TRIM25: variants seen among roughly 807,000 people sequenced by gnomAD.
The protein encoded by TRIM25 is E3 ubiquitin/ISG15 ligase TRIM25.
A neutral mutation model predicts 65.2 loss-of-function variants in TRIM25; 45 were observed. That is an observed-to-expected ratio of 0.69 (90% CI 0.54 to 0.89). The LOEUF is 0.89. Among genes scored for constraint, TRIM25 ranks in the 40% least tolerant of loss-of-function variants. The pLI is 0.00. For missense variants in TRIM25, 714 were observed against 803.7 expected (o/e 0.89, Z 1.35); for synonymous variants, 321 against 340.4 (o/e 0.94, Z 0.63).
Position 56,888,658 on chromosome 17 carries a change from A to G in TRIM25, c.*3042T>C, listed in dbSNP as rs977574505. ...TCTCCTGCTTTCCCCTAGCCCCCAC[A>G]GTTAGACTGTCCCGCAGCAAAGCCC... On this transcript the variant is annotated 3_prime_UTR_variant, in exon 9 of 9. Transcript: ENST00000316881. The G allele has an allele frequency of 2.6e-5, 4 of 152,202 alleles. No homozygotes were observed. Among genetic ancestry groups the G allele is most frequent in the African/African-American group, 9.7e-5 (4 of 41,434 alleles). 9.4% of individuals were successfully genotyped at this position (152,202 alleles called of 1,614,324 possible).
Position 56,913,943 on chromosome 17 carries a change from A to T in TRIM25, c.46T>A (p.Cys16Ser). The T allele has an allele frequency of 6.3e-7, 1 of 1,588,782 alleles. No homozygotes were observed. The highest frequency in any genetic ancestry group is 8.6e-7 in the Non-Finnish European group (1 of 1,168,116). ...ACCGGCTCCTTGAAGGGCTCCAGGCAGATGGAGCACGACAGCTCCTCGGCC... is the reference window on the plus strand; with the variant it reads ...ACCGGCTCCTTGAAGGGCTCCAGGCTGATGGAGCACGACAGCTCCTCGGCC... The part of the protein sequence containing the change: ...PLAEELSCSI[C>S]LEPFKEPVTT... Residue 16 changes from cysteine (C) to serine (S), a missense_variant, in exon 1 of 9, where the codon TGC (cysteine) becomes AGC (serine). By Grantham distance (112) the Cys-to-Ser change is moderately radical. This residue lies in a region of TRIM25 where 291 missense variants were observed against 281.8 expected (regional missense o/e 1.03). Transcript: ENST00000316881. This position sits in a 1 kb window ranked among gnomAD's most constrained non-coding sequence, Gnocchi z 6.1.
intron 8 of TRIM25, 121 bp from the exon 9 acceptor site, chr17:56,892,350 G>T (rs920297681): frequency 1.8e-6 from 2 of 1,096,694 alleles, no homozygotes; most frequent in African/African-American, 1.6e-5. Flanking sequence ...TCTACCCATT[G>T]GTCCATCCAT....
intron 2 of TRIM25, 151 bp downstream of exon 2, chr17:56,908,317 C>A (rs928069217): frequency 6.8e-6 from 5 of 740,658 alleles, no homozygotes; most frequent in Non-Finnish European, 1.1e-5. Context: ...AGACACACAG[C>A]TGTCTGCATG....
intron 4 of TRIM25, 30 bp downstream of exon 4, chr17:56,901,388 AG>A: frequency 6.2e-7 from 1 of 1,605,086 alleles, no homozygotes; most frequent in Non-Finnish European, 8.5e-7. Flanking sequence ...AGGGTTCCAC[AG>A]GGGGCAGCAT....
In TRIM25 at chr17:56,889,694, G is replaced by C. The variant is rs896050334; in HGVS notation, c.*2006C>G. ...CTGTTGCCCTCATTTCTGCAGAAGA[G>C]AGCCAGAGCAGGAGCCATGGATTTA... On this transcript the variant is annotated 3_prime_UTR_variant, in exon 9 of 9. Transcript: ENST00000316881. The C allele has an allele frequency of 1.5e-5, 6 of 398,534 alleles. No homozygotes were observed. Among genetic ancestry groups the C allele is most frequent in the Non-Finnish European group, 1.8e-5 (4 of 226,042 alleles). 24.7% of individuals were successfully genotyped at this position (398,534 alleles called of 1,614,324 possible). A position where few individuals can be genotyped will look rare whatever the true frequency, so the allele number is the denominator to read the frequency against.
At chr17:56,903,518 G>A (rs1262978754) in intron 3 of TRIM25, among the ~76,000 whole-genome samples, 2 of 152,306 alleles carry the variant, frequency 1.3e-5, no homozygotes, top group Non-Finnish European at 1.5e-5. Flanking sequence ...AGGAAGAGGT[G>A]GAGTGTGAGT....
At chr17:56,911,971 A>G (rs1909638247) in intron 1 of TRIM25, 1 of 152,182 alleles carries the variant, frequency 6.6e-6, no homozygotes, top group Non-Finnish European at 1.5e-5. Flanking sequence ...GGAGGCTGAG[A>G]TGGGAGGATC....
chr17:56,893,991 G>A (rs967088508), intron 8 of TRIM25, among the ~76,000 whole-genome samples: 2 of 152,164 alleles, frequency 1.3e-5, no homozygotes, highest in Non-Finnish European at 2.9e-5. Flanking sequence ...ACCCTGGGCA[G>A]CCAAACACCA....
chr17:56,891,647 C>T lies in TRIM25; in HGVS notation c.*53G>A, dbSNP rs1909172510. The stretch of plus-strand genomic sequence containing the variant: ...AGGAGAGTTCTGCCTGCTGTATTTT[C>T]ACTAGGGTCTTGGGACTTCTGCAGG... On this transcript the variant is annotated 3_prime_UTR_variant, in exon 9 of 9. Transcript: ENST00000316881. 5 of 1,381,762 alleles carry T rather than the reference C, an allele frequency of 3.6e-6. No homozygotes were observed. In the East Asian group the frequency reaches 1.8e-4, roughly 50 times the overall value. 85.6% of individuals were successfully genotyped at this position (1,381,762 alleles called of 1,614,324 possible).
In TRIM25 at chr17:56,913,409, C is replaced by A; in HGVS notation, c.580G>T (p.Ala194Ser). Reference sequence around the variant, plus strand: ...TTCCCTACCTCCAGGTCGGCGCTGGCCTGGCTCAGGGACGCGGGAGAGCAG... The same window carrying A: ...TTCCCTACCTCCAGGTCGGCGCTGGACTGGCTCAGGGACGCGGGAGAGCAG... Reference protein sequence around the residue: ...KTCSPASLSQASADLEATLRH... With the variant: ...KTCSPASLSQSSADLEATLRH... The change falls in exon 1 of 9, where the codon GCC becomes TCC. Residue 194 changes from alanine (A) to serine (S), a missense_variant. Transcript: ENST00000316881. The surrounding 1 kb of genome is among the most constrained non-coding windows in gnomAD (Gnocchi z 6.1). The A allele has an allele frequency of 3.8e-6, 6 of 1,571,478 alleles. No individual in the cohort carries two copies. The highest frequency in any genetic ancestry group is 5.2e-6 in the Non-Finnish European group (6 of 1,153,326).
chr17:56,908,846 A>G lies in TRIM25; in HGVS notation c.598-283T>C, dbSNP rs1909572108. 3 of 397,304 alleles carry G rather than the reference A, an allele frequency of 7.6e-6. No individual in the cohort carries two copies. In the East Asian group the frequency reaches 1.3e-4, roughly 17 times the overall value. 24.6% of individuals were successfully genotyped at this position (397,304 alleles called of 1,614,324 possible). The stretch of plus-strand genomic sequence containing the variant: ...CCTTCACCTCAGTTTTCTTGGACAC[A>G]AAATAGATACAACTGTCCCCAGCTC... On this transcript the variant is annotated intron_variant, in intron 1 of 8. Coordinates refer to ENST00000316881, the MANE Select transcript of TRIM25 (RefSeq NM_005082.5).
chr17:56,902,390 T>C (rs757813634), intron 3 of TRIM25, among the ~76,000 whole-genome samples: 1 of 152,044 alleles, frequency 6.6e-6, no homozygotes, highest in Non-Finnish European at 1.5e-5. Flanking sequence ...ATGGGGGTAA[T>C]AAGAGATGGG....
intron 2 of TRIM25, among the ~76,000 whole-genome samples, chr17:56,907,985 C>A (rs1399597437): frequency 6.6e-6 from 1 of 152,148 alleles, no homozygotes; most frequent in Non-Finnish European, 1.5e-5. Context: ...AGGGTTCTCC[C>A]CTAGAGACTT....
At position 56,913,992 on chromosome 17, in the gene TRIM25, G is replaced by T. The variant is rs1184688518; in HGVS notation, c.-4C>A. On this transcript the variant is annotated 5_prime_UTR_variant, in exon 1 of 9. Coordinates refer to ENST00000316881, the MANE Select transcript of TRIM25 (RefSeq NM_005082.5). This position sits in a 1 kb window ranked among gnomAD's most constrained non-coding sequence, Gnocchi z 6.1. The stretch of plus-strand genomic sequence containing the variant: ...CCAGGGGGCACAGCTCTGCCATGGC[G>T]CTCCCAGGGGTCGGGACACAACTGC... The T allele has an allele frequency of 6.5e-7, 1 of 1,541,152 alleles. No homozygotes were observed. The highest frequency in any genetic ancestry group is 8.8e-7 in the Non-Finnish European group (1 of 1,141,450).
chr17:56,906,906 G>A (rs931569696), intron 2 of TRIM25, among the ~76,000 whole-genome samples: 1 of 152,118 alleles, frequency 6.6e-6, no homozygotes, highest in Non-Finnish European at 1.5e-5. Flanking sequence ...TTTCATCTGG[G>A]CGTGTGGCTA....
intron 3 of TRIM25, among the ~76,000 whole-genome samples, chr17:56,902,661 C>T (rs1909436890): frequency 6.6e-6 from 1 of 152,192 alleles, no homozygotes; most frequent in African/African-American, 2.4e-5. Flanking sequence ...AGGCGGGGCC[C>T]AGTCACCTAG....
chr17:56,907,480 T>C (rs968193890), intron 2 of TRIM25, among the ~76,000 whole-genome samples: 1 of 152,316 alleles, frequency 6.6e-6, no homozygotes, highest in African/African-American at 2.4e-5. Context: ...CTAACCTAGA[T>C]CTCATCTAAT....
chr17:56,892,958 A>C (rs1909212371), intron 8 of TRIM25, among the ~76,000 whole-genome samples: 1 of 152,240 alleles, frequency 6.6e-6, no homozygotes, highest in South Asian at 2.1e-4. Context: ...GTTGGGGAAC[A>C]TTTCACTGGC....
Position 56,889,846 on chromosome 17 carries a change from A to G in TRIM25, c.*1854T>C, listed in dbSNP as rs1403959215. On this transcript the variant is annotated 3_prime_UTR_variant, in exon 9 of 9. Transcript: ENST00000316881. ...TCTTCAAAAGCAGAGAAGAATCACC[A>G]AAGAACTTTTCTTCCAAGTAGTAAA... 2.5e-6 allele frequency: 1 copy of G among 398,528 alleles called. No individual in the cohort carries two copies. Among genetic ancestry groups the G allele is most frequent in the African/African-American group, 2.1e-5 (1 of 48,634 alleles). The allele number at this position is 398,528 out of a possible 1,614,324, so 24.7% of individuals were successfully genotyped here.
Sources: allele counts gnomAD v4.1 joint callset (sites outside exome capture counted in the v4.1 genomes callset), GRCh38; gene constraint gnomAD v4.1.1; regional missense constraint gnomAD v4.1.1; non-coding constraint Gnocchi (gnomAD v3.1); transcripts MANE v1.5; gene names NCBI Gene and HGNC (gene_info 2026-07-23, HGNC 2026-07-21).